Variants in ASIC2 observed in about 807,000 individuals in gnomAD.
ASIC2 encodes the protein acid-sensing ion channel 2.
Under a neutral mutation model 57.3 loss-of-function variants are expected in ASIC2, and 25 were observed. That is an observed-to-expected ratio of 0.44 (90% confidence interval 0.32 to 0.61). ASIC2 has a LOEUF of 0.61. Ranked by LOEUF, ASIC2 falls within the 20% of genes least tolerant of loss-of-function variation. The probability of loss-of-function intolerance (pLI) is 0.06; values close to 1 mark genes in which losing one functional copy is unlikely to be tolerated. For missense variants in ASIC2, 641 were observed against 738.1 expected (o/e 0.87, Z 1.52); for synonymous variants, 319 against 307.5 (o/e 1.04, Z -0.39).
At chr17:33,723,334 T>C (rs531744194) in intron 1 of ASIC2, among the ~76,000 whole-genome samples, 3 of 152,304 alleles carry the variant, frequency 2.0e-5, no homozygotes, top group African/African-American at 2.4e-5. Context: ...TATTATATTA[T>C]ATTTTATTTT....
chr17:33,174,046 G>A (rs530242575), intron 1 of ASIC2, among the ~76,000 whole-genome samples: 3 of 152,264 alleles, frequency 2.0e-5, no homozygotes, highest in East Asian at 1.9e-4. Context: ...AGTCCAGAAA[G>A]CCTTGAAGAC....
rs772080220 is a variant in ASIC2, at chr17:33,418,024, A to ATATGTGTG, written c.556-305958_556-305957insCACACATA. Among the ~76,000 whole-genome samples the ATATGTGTG allele has an allele frequency of 3.6e-3, 397 of 110,350 alleles. 9 individuals carry two copies. The highest frequency in any genetic ancestry group is 9.4e-3 in the South Asian group (31 of 3,298). The allele number at this position is 110,350 out of a possible 152,430, so 72.4% of individuals were successfully genotyped here. A position where few individuals can be genotyped will look rare whatever the true frequency, so the allele number is the denominator to read the frequency against. ...GGCCCCACTCTGGCTCTCAGCATGT[A>ATATGTGTG]TGTATGTGTGTGTGTGTGTGTGTGT... On this transcript the variant is annotated intron_variant, in intron 1 of 9. Coordinates refer to the ASIC2 transcript ENST00000359872.
chr17:33,085,527 T>G (rs2141962298), intron 3 of ASIC2, among the ~76,000 whole-genome samples: 1 of 152,368 alleles, frequency 6.6e-6, no homozygotes, highest in South Asian at 2.1e-4. Flanking sequence ...TGGCTTAACA[T>G]TATTTTTGCC....
chr17:33,050,551 C>A (rs562534065), intron 3 of ASIC2, among the ~76,000 whole-genome samples: 42 of 152,304 alleles, frequency 2.8e-4, no homozygotes, highest in African/African-American at 9.9e-4. Flanking sequence ...TGGAAGAAAT[C>A]GTAAGCAATA....
At chr17:34,005,602 T>G (rs1906499014) in intron 1 of ASIC2, 1 of 152,196 alleles carries the variant, frequency 6.6e-6, no homozygotes, top group African/African-American at 2.4e-5. Flanking sequence ...TCACTTATTC[T>G]CCACACCTCT....
In ASIC2 at chr17:34,030,291, C is replaced by G. The variant is rs375593969; in HGVS notation, c.555+125687G>C. 4.6e-5 allele frequency among the ~76,000 whole-genome samples: 7 copies of G among 152,320 alleles called. No homozygotes were observed. The South Asian group carries it at 1.2e-3, about 27-fold the overall frequency. On this transcript the variant is annotated intron_variant, in intron 1 of 9. Transcript: ENST00000359872. ...CACTTTCAGTTTTCTAGAAATCCAC[C>G]CATACTTTCATTGATCCATAATCCA...
At chr17:33,481,174 G>A (rs1445708610) in intron 1 of ASIC2, among the ~76,000 whole-genome samples, 2 of 152,226 alleles carry the variant, frequency 1.3e-5, no homozygotes, top group Non-Finnish European at 1.5e-5. Context: ...AATGCTGCAG[G>A]TGTGTCCCTT....
chr17:34,099,737 AGAAAGAAAGAAAGAAAG>A (rs1567821629), intron 1 of ASIC2, among the ~76,000 whole-genome samples: 15 of 346 alleles, frequency 0.043, no homozygotes, highest in African/African-American at 0.078. Context: ...AAAGAAGGAA[AGAAAGAAAGAAAGAAAG>A]AAAGAAAGAA....
At chr17:33,444,870 C>G (rs1027170965) in intron 1 of ASIC2, among the ~76,000 whole-genome samples, 1 of 152,128 alleles carries the variant, frequency 6.6e-6, no homozygotes, top group Non-Finnish European at 1.5e-5. Context: ...CAGGTTATAG[C>G]CTGCAGGTCA....
intron 3 of ASIC2, among the ~76,000 whole-genome samples, chr17:33,039,293 T>A (rs1239770225): frequency 2.6e-5 from 4 of 152,222 alleles, no homozygotes; most frequent in Admixed American, 1.3e-4. Flanking sequence ...GGGGTATCCC[T>A]GAGGGTTCCT....
In ASIC2 at chr17:33,890,917, G is replaced by A. The variant is rs550449760; in HGVS notation, c.555+265061C>T. Among the ~76,000 whole-genome samples, 3 of 29,792 alleles carry A rather than the reference G, an allele frequency of 1.0e-4. No homozygotes were observed. The South Asian group carries it at 3.7e-3, about 37-fold the overall frequency. 19.5% of individuals were successfully genotyped at this position (29,792 alleles called of 152,430 possible). Reference sequence around the variant, plus strand: ...GAGAATCACCTGGAGAGCTTGGTAAGCAGCAGACACTCTGATCCACCCCAA... The same window carrying A: ...GAGAATCACCTGGAGAGCTTGGTAAACAGCAGACACTCTGATCCACCCCAA... On this transcript the variant is annotated intron_variant, in intron 1 of 9. Transcript: ENST00000359872.
intron 1 of ASIC2, among the ~76,000 whole-genome samples, chr17:33,325,278 A>C (rs1907030177): frequency 6.6e-6 from 1 of 152,246 alleles, no homozygotes; most frequent in Non-Finnish European, 1.5e-5. Flanking sequence ...AGGATGTCTC[A>C]GAGCACAACA....
intron 1 of ASIC2, among the ~76,000 whole-genome samples, chr17:33,380,245 CAAAAAAAAAAAAA>C (rs10586872): frequency 1.4e-5 from 1 of 71,064 alleles, no homozygotes; most frequent in Non-Finnish European, 2.6e-5. Flanking sequence ...AACCCTGTCT[CAAAAAAAAAAAAA>C]AAAAAAAAAA....
chr17:34,127,916 G>A (rs1911836386), intron 1 of ASIC2, among the ~76,000 whole-genome samples: 1 of 152,100 alleles, frequency 6.6e-6, no homozygotes, highest in African/African-American at 2.4e-5. Flanking sequence ...AAGGAGACTG[G>A]GCCTGCTAGA....
At chr17:34,087,316 C>T (rs61311081) in intron 1 of ASIC2, among the ~76,000 whole-genome samples, 30,396 of 149,834 alleles carry the variant, frequency 0.2, 3,919 homozygotes, top group African/African-American at 0.4. Context: ...TTTGGCTGGA[C>T]ATGAAATTCT....
At chr17:33,797,917 A>T (rs1287903167) in intron 1 of ASIC2, among the ~76,000 whole-genome samples, 1 of 152,170 alleles carries the variant, frequency 6.6e-6, no homozygotes, top group Non-Finnish European at 1.5e-5. Flanking sequence ...TCACAGGACT[A>T]GCCCCCACAC....
chr17:33,986,596 A>T (rs1042734483), intron 1 of ASIC2, among the ~76,000 whole-genome samples: 11 of 152,312 alleles, frequency 7.2e-5, no homozygotes, highest in African/African-American at 2.6e-4. Flanking sequence ...TAATTCTGCA[A>T]GAACAATGTC....
chr17:33,179,769 A>G (rs1905903790), intron 1 of ASIC2, among the ~76,000 whole-genome samples: 1 of 152,208 alleles, frequency 6.6e-6, no homozygotes, highest in Admixed American at 6.5e-5. Context: ...GAGCTCTTAC[A>G]AATGGCTGCA....
intron 5 of ASIC2, among the ~76,000 whole-genome samples, 153 bp from the exon 6 acceptor site, chr17:33,024,167 T>G (rs1019681321): frequency 3.8e-4 from 58 of 152,172 alleles, no homozygotes; most frequent in Non-Finnish European, 1.5e-4. Context: ...AGAGGGGAAC[T>G]GGGCTTTTGC....
Sources: allele counts gnomAD v4.1 joint callset (sites outside exome capture counted in the v4.1 genomes callset), GRCh38; gene constraint gnomAD v4.1.1; transcripts MANE v1.5; gene names NCBI Gene and HGNC (gene_info 2026-07-23, HGNC 2026-07-21).